RYR1: variants seen among roughly 807,000 people sequenced by gnomAD.
RYR1 encodes the protein ryanodine receptor 1.
Under a neutral mutation model 583.5 loss-of-function variants are expected in RYR1, and 342 were observed. That is an observed-to-expected ratio of 0.59 (90% CI 0.54 to 0.64). The LOEUF is 0.64. Ranked by LOEUF, RYR1 falls within the 30% of genes least tolerant of loss-of-function variation. The pLI, the probability that RYR1 is intolerant of heterozygous loss-of-function variation, is 0.00. For synonymous variants in RYR1, 2,791 were observed against 2,822.5 expected (o/e 0.99, Z 0.35); for missense variants, 6,032 against 6,917.2 (o/e 0.87, Z 4.54).
rs765445445 is a variant in RYR1 at position 38,460,379 on chromosome 19, C to T, written c.2365C>T (p.Arg789Trp). 22 of 1,613,840 alleles carry T rather than the reference C, an allele frequency of 1.4e-5. No individual in the cohort carries two copies. The highest frequency in any genetic ancestry group is 5.0e-5 in the Admixed American group (3 of 60,000). The change falls in exon 20 of 106, where the codon CGG (arginine) becomes TGG (tryptophan). Residue 789 changes from arginine to tryptophan, a missense_variant. Physicochemically the swap from Arg to Trp is moderately radical, Grantham distance 101. Transcript: ENST00000359596. ...VVSFSAGVKVRFLLGGRHGEF... is the reference protein window; with the variant it reads ...VVSFSAGVKVWFLLGGRHGEF... ...CCATTGTCCTTCCTTACCCAGGGTG[C>T]GGTTCCTCCTTGGTGGCCGCCATGG...
chr19:38,562,161 C>G (rs1973174633), intron 90 of RYR1, among the ~76,000 whole-genome samples: 1 of 152,128 alleles, frequency 6.6e-6, no homozygotes, highest in African/African-American at 2.4e-5. Context: ...CACAACCATG[C>G]TCACCCATGC....
chr19:38,577,655 G>A (rs1466016794), intron 97 of RYR1, among the ~76,000 whole-genome samples: 1 of 152,088 alleles, frequency 6.6e-6, no homozygotes, highest in African/African-American at 2.4e-5. Context: ...AATTAGCCGG[G>A]CATGGTGGTG....
intron 38 of RYR1, among the ~76,000 whole-genome samples, chr19:38,493,176 A>C (rs115703989): frequency 0.025 from 3,826 of 152,232 alleles, 160 homozygotes; most frequent in African/African-American, 0.088. Flanking sequence ...GCTTAGTGGC[A>C]AACCTCTAAC....
rs757984566 is a variant in RYR1, at chr19:38,578,252, G to T, written c.14364+48G>T. On this transcript the variant is annotated intron_variant, in intron 99 of 105. Transcript: ENST00000359596. ...GGGAGGGACTCTGCAGGGGTGGGGC[G>T]TTAGGAGGGTTCCCAACGTCGGGTG... The T allele has an allele frequency of 3.8e-6, 6 of 1,590,942 alleles. 1 individual carries two copies. The Admixed American group carries it at 8.7e-5, about 23-fold the overall frequency.
chr19:38,551,109 A>G (rs1972650646), intron 89 of RYR1, among the ~76,000 whole-genome samples: 1 of 117,152 alleles, frequency 8.5e-6, no homozygotes, highest in African/African-American at 3.2e-5. Flanking sequence ...GTGCAATGGT[A>G]TGATCTTGGC....
intron 89 of RYR1, among the ~76,000 whole-genome samples, chr19:38,558,166 T>C (rs976037494): frequency 6.6e-6 from 1 of 151,708 alleles, no homozygotes; most frequent in Non-Finnish European, 1.5e-5. Context: ...TTTAAAAAAT[T>C]AGCTGGGTAT....
Position 38,535,367 on chromosome 19 carries a change from A to G in RYR1, c.11491A>G (p.Ile3831Val), listed in dbSNP as rs1330493120. The G allele has an allele frequency of 3.1e-6, 5 of 1,614,172 alleles. No homozygotes were observed. In the Middle Eastern group the frequency reaches 4.9e-4, roughly 160 times the overall value. ...DKKEVGFFQS[I>V]QALMQTCSVL... ...GAAGGAAGTTGGCTTCTTCCAGAGT[A>G]TCCAGGCACTGATGCAAACATGCAG... is the stretch of plus-strand genomic sequence containing the variant. The change falls in exon 81 of 106, where the codon ATC becomes GTC. Residue 3831 changes from isoleucine (I) to valine (V), a missense_variant. Ile to Val is a conservative substitution (Grantham distance 29). Around this residue, in one of 11 missense-constraint regions of RYR1, gnomAD observed 1,493 missense variants for 1,715.5 expected, o/e 0.87. Coordinates refer to ENST00000359596, the MANE Select transcript of RYR1 (RefSeq NM_000540.3).
At chr19:38,503,057 G>A (rs1278711521) in intron 49 of RYR1, 87 bp downstream of exon 49, 20 of 1,320,896 alleles carry the variant, frequency 1.5e-5, no homozygotes, top group South Asian at 6.1e-5. Flanking sequence ...CATTTGTGTC[G>A]GCACTGCCCA....
chr19:38,473,298 C>T (rs1968525113), intron 27 of RYR1, 79 bp from the exon 28 acceptor site: 1 of 1,552,504 alleles, frequency 6.4e-7, no homozygotes, highest in South Asian at 1.1e-5. Context: ...ATGGTGGCTC[C>T]GTGTGTGACC....
chr19:38,501,098 A>G (rs1970096532), intron 47 of RYR1, 108 bp downstream of exon 47: 1 of 1,066,344 alleles, frequency 9.4e-7, no homozygotes, highest in Middle Eastern at 2.7e-4. Context: ...GGGATTGTGG[A>G]CATATCATAA....
intron 78 of RYR1, among the ~76,000 whole-genome samples, chr19:38,533,972 C>T (rs1971852766): frequency 6.7e-6 from 1 of 150,238 alleles, no homozygotes; most frequent in Admixed American, 6.7e-5. Flanking sequence ...ATGGAATATA[C>T]AGCAATAATA....
Position 38,504,360 on chromosome 19 carries a change from G to C in RYR1, c.8067G>C (p.Lys2689Asn). The change falls in exon 50 of 106, where the codon AAG (lysine) becomes AAC (asparagine). Residue 2689 changes from lysine to asparagine, a missense_variant and splice_region_variant. By Grantham distance (94) the Lys-to-Asn change is moderately conservative. Coordinates refer to ENST00000359596, the MANE Select transcript of RYR1 (RefSeq NM_000540.3). The part of the protein sequence containing the change: ...FWGIFDSLAH[K>N]KYDPELYRMA... ...GCATCTTTGACTCTCTGGCCCATAA[G>C]GTCTGGGCAGCAGGGAGCCCCAAAA... The C allele has an allele frequency of 6.2e-7, 1 of 1,613,992 alleles. No homozygotes were observed.
rs1272169043 is a variant in RYR1, at chr19:38,467,752, G to A, written c.3321G>A (p.Glu1107=). ...TGCGCGTGGGCTGGGCGAGGCCCGAGCTGAGGCCTGATGTAGAGCTGGGAG... is the reference window on the plus strand; with the variant it reads ...TGCGCGTGGGCTGGGCGAGGCCCGAACTGAGGCCTGATGTAGAGCTGGGAG... The part of the protein sequence containing the change: ...GEMRVGWARP[E]LRPDVELGAD... The change falls in exon 25 of 106, where the codon GAG becomes GAA. Residue 1107 remains glutamate, a synonymous_variant. Coordinates refer to ENST00000359596, the MANE Select transcript of RYR1 (RefSeq NM_000540.3). 1.2e-6 allele frequency: 2 copies of A among 1,614,086 alleles called. No individual in the cohort carries two copies. The highest frequency in any genetic ancestry group is 1.7e-6 in the Non-Finnish European group (2 of 1,180,052).
rs572060012 is a variant in RYR1 at position 38,452,263 on chromosome 19, C to A, written c.1244+378C>A. On this transcript the variant is annotated intron_variant, in intron 12 of 105. Coordinates refer to ENST00000359596, the MANE Select transcript of RYR1 (RefSeq NM_000540.3). The stretch of plus-strand genomic sequence containing the variant: ...ACCAGCCTGAGCAATATAGTGAAAC[C>A]CTGTCTCTATAAAAAAAATAACAAA... 7.9e-5 allele frequency among the ~76,000 whole-genome samples: 12 copies of A among 151,704 alleles called. No individual in the cohort carries two copies. The East Asian group carries it at 2.1e-3, about 27-fold the overall frequency.
Position 38,494,461 on chromosome 19 carries a change from C to T in RYR1, c.6384C>T (p.Tyr2128=), listed in dbSNP as rs75181912. The T allele has an allele frequency of 2.5e-3, 4,110 of 1,612,800 alleles. 18 individuals carry two copies. The highest frequency in any genetic ancestry group is 0.017 in the African/African-American group (1,277 of 75,024). ...TGTTCAGCCTCCTGCACCGGCAGTA[C>T]GACGGGCTGGGTGAGCTGCTGCGTG... ...RAMFSLLHRQ[Y]DGLGELLRAL... The change falls in exon 39 of 106, where the codon TAC becomes TAT. Residue 2128 remains tyrosine (Y), a synonymous_variant. Coordinates refer to ENST00000359596, the MANE Select transcript of RYR1 (RefSeq NM_000540.3).
intron 20 of RYR1, 82 bp downstream of exon 20, chr19:38,460,673 C>A: frequency 7.6e-7 from 1 of 1,314,708 alleles, no homozygotes; most frequent in Non-Finnish European, 1.1e-6. Flanking sequence ...ATCGTTCATG[C>A]CTGTAATCCC....
rs757284447 is a variant in RYR1, at chr19:38,457,587, C to T, written c.1882C>T (p.Arg628Cys). 2.4e-5 allele frequency: 39 copies of T among 1,614,038 alleles called. No homozygotes were observed. Among genetic ancestry groups the T allele is most frequent in the East Asian group, 1.1e-4 (5 of 44,906 alleles). ...DLITENLLPG[R>C]ELLLQTNLIN... Reference sequence around the variant, plus strand: ...TATTACTGAGAACTTGCTGCCTGGCCGTGAGCTTCTGCTGCAGACAAACCT... The same window carrying T: ...TATTACTGAGAACTTGCTGCCTGGCTGTGAGCTTCTGCTGCAGACAAACCT... The change falls in exon 17 of 106, where the codon CGT becomes TGT. Residue 628 changes from arginine to cysteine, a missense_variant. This residue lies in a region of RYR1 where 2,627 missense variants were observed against 2,961.3 expected (regional missense o/e 0.89). Coordinates refer to ENST00000359596, the MANE Select transcript of RYR1 (RefSeq NM_000540.3).
intron 31 of RYR1, among the ~76,000 whole-genome samples, chr19:38,481,952 G>A (rs1568479524): frequency 6.6e-6 from 1 of 152,068 alleles, no homozygotes. Context: ...GCCTGGCGTG[G>A]TGACGGGCGC....
chr19:38,482,243 G>T (rs964046595), intron 31 of RYR1, among the ~76,000 whole-genome samples: 3 of 152,100 alleles, frequency 2.0e-5, no homozygotes, highest in Non-Finnish European at 4.4e-5. Flanking sequence ...GCCTGGATCT[G>T]GCTGGTGCAT....
Sources: allele counts gnomAD v4.1 joint callset (sites outside exome capture counted in the v4.1 genomes callset), GRCh38; gene constraint gnomAD v4.1.1; regional missense constraint gnomAD v4.1.1; transcripts MANE v1.5; gene names NCBI Gene and HGNC (gene_info 2026-07-23, HGNC 2026-07-21).